ZMYND11: variants seen among roughly 807,000 people sequenced by gnomAD.
ZMYND11 encodes the protein zinc finger MYND domain-containing protein 11.
Under a neutral mutation model 84.9 loss-of-function variants are expected in ZMYND11, and 9 were observed. That is an observed-to-expected ratio of 0.11 (90% CI 0.06 to 0.18). The LOEUF is 0.18. ZMYND11 is among the 10% of genes least tolerant of loss of function. ZMYND11 has a pLI of 1.00. For synonymous variants in ZMYND11, 250 were observed against 244.1 expected, an observed-to-expected ratio of 1.02 and a Z score of -0.23; for missense variants, 409 against 761.0, an observed-to-expected ratio of 0.54 and a Z score of 5.44.
chr10:149,282 G>GTGGTTA (rs1403673366), intron 1 of ZMYND11, among the ~76,000 whole-genome samples: 8 of 108,258 alleles, frequency 7.4e-5, no homozygotes, highest in African/African-American at 2.0e-4. Flanking sequence ...CACTGAGGTG[G>GTGGTTA]TTGTTATTAT....
intron 6 of ZMYND11, among the ~76,000 whole-genome samples, chr10:239,048 C>G (rs1036719977): frequency 1.3e-5 from 2 of 152,192 alleles, no homozygotes; most frequent in African/African-American, 4.8e-5. Context: ...TTTTCAATCT[C>G]GATCCTCCTG....
chr10:140,984 A>G (rs956768045), intron 1 of ZMYND11, among the ~76,000 whole-genome samples: 3 of 152,230 alleles, frequency 2.0e-5, no homozygotes, highest in Admixed American at 6.5e-5. Flanking sequence ...AAGGAATCAT[A>G]TGGACTCTTC....
Position 237,719 on chromosome 10 carries a change from T to G in ZMYND11, c.609+42T>G, listed in dbSNP as rs762425068. ...TTATTTCCACTTCAAGTACATTTTC[T>G]TAACTAACAAGTTAAAGAATAATGT... On this transcript the variant is annotated intron_variant, in intron 6 of 14. Coordinates refer to ENST00000381604, the MANE Select transcript of ZMYND11 (RefSeq NM_001370100.5). The G allele has an allele frequency of 5.4e-6, 8 of 1,472,728 alleles. No individual in the cohort carries two copies. In the East Asian group the frequency reaches 1.4e-4, roughly 25 times the overall value. 91.2% of individuals were successfully genotyped at this position (1,472,728 alleles called of 1,614,324 possible). A position where few individuals can be genotyped will look rare whatever the true frequency, so the allele number is the denominator to read the frequency against.
chr10:154,894 T>C (rs1409921167), intron 1 of ZMYND11: 1 of 152,222 alleles, frequency 6.6e-6, no homozygotes, highest in African/African-American at 2.4e-5. Context: ...CCTGCTTAGC[T>C]TCCAAGATCA....
intron 2 of ZMYND11, among the ~76,000 whole-genome samples, chr10:199,329 C>G (rs577771455): frequency 7.4e-6 from 1 of 134,870 alleles, no homozygotes. Context: ...CTCCCTCCCT[C>G]TCTCCCTCCG....
chr10:250,416 G>A (rs867387988), intron 14 of ZMYND11, among the ~76,000 whole-genome samples: 1 of 152,172 alleles, frequency 6.6e-6, no homozygotes, highest in African/African-American at 2.4e-5. Context: ...GATTGGTTGA[G>A]CCCAGGAGTG....
upstream of ZMYND11, among the ~76,000 whole-genome samples, chr10:133,414 T>G (rs1835374488): frequency 6.6e-6 from 1 of 152,216 alleles, no homozygotes; most frequent in Admixed American, 6.5e-5. Flanking sequence ...AGGGTTAAAT[T>G]CTAGGCAAAA....
At chr10:169,265 G>A (rs894587884) in intron 1 of ZMYND11, among the ~76,000 whole-genome samples, 4 of 152,116 alleles carry the variant, frequency 2.6e-5, no homozygotes, top group African/African-American at 9.7e-5. Flanking sequence ...CAGTGGCACA[G>A]GCTGTCTAAA....
intron 1 of ZMYND11, among the ~76,000 whole-genome samples, chr10:178,962 G>T (rs1847255038): frequency 6.6e-6 from 1 of 152,168 alleles, no homozygotes; most frequent in South Asian, 2.1e-4. Context: ...ATGGAACACA[G>T]CAAAGTGCTT....
intron 1 of ZMYND11, among the ~76,000 whole-genome samples, chr10:165,498 A>T (rs1310715018): frequency 6.6e-6 from 1 of 152,132 alleles, no homozygotes; most frequent in East Asian, 1.9e-4. Flanking sequence ...GATGTCTAAA[A>T]GACACCTGAA....
chr10:177,142 G>A (rs1354943700), intron 1 of ZMYND11, among the ~76,000 whole-genome samples: 1 of 152,156 alleles, frequency 6.6e-6, no homozygotes, highest in Non-Finnish European at 1.5e-5. Context: ...CACCTGGTGT[G>A]TAACACGCAT....
intron 12 of ZMYND11, 111 bp downstream of exon 12, chr10:247,577 T>G: frequency 8.5e-7 from 1 of 1,181,352 alleles, no homozygotes; most frequent in South Asian, 1.4e-5. Flanking sequence ...TGGATACTTG[T>G]GAAATTCAGC....
rs887665114 is a variant in ZMYND11, at chr10:180,072, A to G, written c.60A>G (p.Ala20=). ...ADTKAIQHLW[A]AIEIIRNQKQ... ...CAAAAGCTATCCAGCATCTTTGGGC[A>G]GCCATTGAGATTATACGGAACCAGA... Residue 20 remains alanine (A), a synonymous_variant, in exon 2 of 15, where the codon GCA becomes GCG. Coordinates refer to ENST00000381604, the MANE Select transcript of ZMYND11 (RefSeq NM_001370100.5). 2.5e-6 allele frequency: 4 copies of G among 1,613,764 alleles called. No individual in the cohort carries two copies. Among genetic ancestry groups the G allele is most frequent in the Non-Finnish European group, 3.4e-6 (4 of 1,179,806 alleles).
upstream of ZMYND11, among the ~76,000 whole-genome samples, chr10:130,428 A>G (rs946212519): frequency 6.6e-6 from 1 of 152,202 alleles, no homozygotes; most frequent in Admixed American, 6.5e-5. Context: ...TGTGTCAGGC[A>G]TTTCACAATA....
At chr10:182,174 T>G (rs773817787) in intron 2 of ZMYND11, among the ~76,000 whole-genome samples, 8 of 152,218 alleles carry the variant, frequency 5.3e-5, no homozygotes, top group African/African-American at 1.9e-4. Flanking sequence ...GCTGTTAGAT[T>G]GTGACCACCT....
At chr10:186,637 T>G (rs1165482702) in intron 2 of ZMYND11, among the ~76,000 whole-genome samples, 1 of 97,712 alleles carries the variant, frequency 1.0e-5, no homozygotes, top group Non-Finnish European at 1.9e-5. Flanking sequence ...AGAGCAGGAC[T>G]CTCTCAAAAA....
At chr10:210,749 T>C (rs1945078713) in intron 3 of ZMYND11, among the ~76,000 whole-genome samples, 2 of 152,226 alleles carry the variant, frequency 1.3e-5, no homozygotes, top group Non-Finnish European at 2.9e-5. Context: ...TACGTAAAGA[T>C]TGATTTCATG....
intron 1 of ZMYND11, among the ~76,000 whole-genome samples, chr10:173,559 T>C (rs991122052): frequency 5.3e-5 from 8 of 152,078 alleles, no homozygotes; most frequent in Middle Eastern, 6.8e-3. Context: ...CTCCAAAACA[T>C]TAACAAATAA....
At chr10:217,048 A>T (rs1195505497) in intron 3 of ZMYND11, among the ~76,000 whole-genome samples, 2 of 152,214 alleles carry the variant, frequency 1.3e-5, no homozygotes, top group Admixed American at 6.5e-5. Context: ...TGTAATATTT[A>T]TCTACTCATT....
Sources: gnomAD v4.1 joint callset for allele counts (sites outside exome capture counted in the v4.1 genomes callset) on GRCh38, gnomAD v4.1.1 for gene constraint, MANE v1.5 for transcripts, NCBI Gene and HGNC (gene_info 2026-07-23, HGNC 2026-07-21) for gene names.